ALK: variants seen among roughly 807,000 people sequenced by gnomAD.
The protein encoded by ALK is ALK receptor tyrosine kinase.
Under a neutral mutation model 163.1 loss-of-function variants are expected in ALK, and 74 were observed. That is an observed-to-expected ratio of 0.45 (90% CI 0.38 to 0.55). The LOEUF (loss-of-function observed/expected upper bound fraction) is 0.55. ALK is among the 20% of genes least tolerant of loss of function. The pLI is 0.00. For synonymous variants in ALK, 960 were observed against 843.2 expected (o/e 1.14, Z -2.40); for missense variants, 2,063 against 2,105.3 (o/e 0.98, Z 0.39).
At chr2:29,350,417 G>A (rs934106653) in intron 5 of ALK, among the ~76,000 whole-genome samples, 1 of 152,226 alleles carries the variant, frequency 6.6e-6, no homozygotes, top group Non-Finnish European at 1.5e-5. Context: ...TGGATCTGGA[G>A]AGGGGACTGG....
intron 1 of ALK, among the ~76,000 whole-genome samples, chr2:29,762,852 G>T (rs1161560492): frequency 1.3e-5 from 2 of 152,086 alleles, no homozygotes; most frequent in Non-Finnish European, 2.9e-5. Flanking sequence ...ACTTTGAGAG[G>T]CCGAGGCGGG....
intron 3 of ALK, among the ~76,000 whole-genome samples, chr2:29,547,739 G>T (rs1377307409): frequency 6.6e-6 from 1 of 152,064 alleles, no homozygotes; most frequent in Non-Finnish European, 1.5e-5. Context: ...ATTGAGACTG[G>T]AAGTTTAAAA....
At chr2:29,405,841 C>G (rs1288172940) in intron 4 of ALK, among the ~76,000 whole-genome samples, 1 of 152,222 alleles carries the variant, frequency 6.6e-6, no homozygotes, top group African/African-American at 2.4e-5. Flanking sequence ...CCTTCTGGTA[C>G]TTAGCAGGTC....
chr2:29,621,935 G>T (rs1045314586), intron 3 of ALK, among the ~76,000 whole-genome samples: 2 of 151,662 alleles, frequency 1.3e-5, no homozygotes, highest in Non-Finnish European at 2.9e-5. Context: ...AGAAGAAGCA[G>T]AAAAACAAAA....
At chr2:29,902,606 C>G (rs1055646952) in intron 1 of ALK, among the ~76,000 whole-genome samples, 1 of 152,184 alleles carries the variant, frequency 6.6e-6, no homozygotes, top group Non-Finnish European at 1.5e-5. Flanking sequence ...CTGTACTTAC[C>G]GACATAAAAT....
intron 3 of ALK, among the ~76,000 whole-genome samples, chr2:29,648,963 A>C (rs1289052206): frequency 6.6e-6 from 1 of 152,124 alleles, no homozygotes; most frequent in Non-Finnish European, 1.5e-5. Context: ...TTTTCCATTC[A>C]CATTTTGAAC....
intron 3 of ALK, among the ~76,000 whole-genome samples, chr2:29,552,821 C>T (rs1245730418): frequency 2.0e-5 from 3 of 152,148 alleles, no homozygotes; most frequent in Non-Finnish European, 4.4e-5. Context: ...CAATCTGCCT[C>T]TGGGATAAAA....
chr2:29,505,208 A>T (rs1672285367), intron 4 of ALK, among the ~76,000 whole-genome samples: 1 of 152,106 alleles, frequency 6.6e-6, no homozygotes, highest in Admixed American at 6.5e-5. Context: ...GAAGGCTGTG[A>T]ATTCTCTACT....
intron 1 of ALK, among the ~76,000 whole-genome samples, chr2:29,776,046 G>C (rs570197249): frequency 6.6e-6 from 1 of 152,258 alleles, no homozygotes; most frequent in South Asian, 2.1e-4. Flanking sequence ...CCATGTTATT[G>C]ATGGTACTAC....
chr2:29,397,945 A>G (rs1669350189), intron 4 of ALK, among the ~76,000 whole-genome samples: 1 of 152,324 alleles, frequency 6.6e-6, no homozygotes, highest in Non-Finnish European at 1.5e-5. Context: ...AGCTTTCCCG[A>G]ACATAACAAA....
At chr2:29,870,938 G>A (rs1167549848) in intron 1 of ALK, among the ~76,000 whole-genome samples, 3 of 152,190 alleles carry the variant, frequency 2.0e-5, no homozygotes, top group Admixed American at 2.0e-4. Context: ...GGAACCACAA[G>A]GTCATGCAGG....
At chr2:29,875,076 T>C (rs544631384) in intron 1 of ALK, among the ~76,000 whole-genome samples, 1 of 152,344 alleles carries the variant, frequency 6.6e-6, no homozygotes, top group Admixed American at 6.5e-5. Context: ...CCAATGTTCA[T>C]AGAATTATTC....
Position 29,560,482 on chromosome 2 carries a change from A to G in ALK, c.953-28366T>C, listed in dbSNP as rs144270347. On this transcript the variant is annotated intron_variant, in intron 3 of 28. Transcript: ENST00000389048. ...AAGGCCTTTTTTTGGGGTGATAAAAAATGTTTTAAAATTAGATTGTGGTGA... is the reference window on the plus strand; with the variant it reads ...AAGGCCTTTTTTTGGGGTGATAAAAGATGTTTTAAAATTAGATTGTGGTGA... Among the ~76,000 whole-genome samples the G allele has an allele frequency of 1.1e-3, 165 of 152,274 alleles. 1 individual carries two copies. In the East Asian group the frequency reaches 0.028, roughly 26 times the overall value.
chr2:29,495,467 C>T (rs547692727), intron 4 of ALK, among the ~76,000 whole-genome samples: 10 of 152,294 alleles, frequency 6.6e-5, no homozygotes, highest in African/African-American at 2.2e-4. Context: ...ACGCCTTCCC[C>T]ACTGAGGACT....
chr2:29,405,275 C>T (rs985929276), intron 4 of ALK, among the ~76,000 whole-genome samples: 1 of 152,192 alleles, frequency 6.6e-6, no homozygotes, highest in Non-Finnish European at 1.5e-5. Flanking sequence ...CCTTTCATAT[C>T]TGTTCCTTTC....
intron 5 of ALK, among the ~76,000 whole-genome samples, chr2:29,347,601 C>T (rs537239326): frequency 6.6e-6 from 1 of 152,316 alleles, no homozygotes; most frequent in Non-Finnish European, 1.5e-5. Context: ...CCTTTCACTT[C>T]TTTTTAATTA....
At chr2:29,352,642 G>C (rs1257633554) in intron 5 of ALK, among the ~76,000 whole-genome samples, 3 of 152,250 alleles carry the variant, frequency 2.0e-5, no homozygotes, top group Admixed American at 1.3e-4. Flanking sequence ...TCAGTGGTCA[G>C]TGAGCAGGCA....
intron 1 of ALK, among the ~76,000 whole-genome samples, chr2:29,797,000 CCACA>C (rs34846199): frequency 0.019 from 2,715 of 144,634 alleles, 43 homozygotes; most frequent in South Asian, 0.056. Flanking sequence ...GCACGCACAC[CCACA>C]CACACACACA....
intron 4 of ALK, among the ~76,000 whole-genome samples, chr2:29,395,179 A>C (rs1172342135): frequency 6.6e-6 from 1 of 152,238 alleles, no homozygotes; most frequent in Non-Finnish European, 1.5e-5. Flanking sequence ...TCAAATGCGA[A>C]TGCAAGCCTC....
Sources: gnomAD v4.1 joint callset for allele counts (sites outside exome capture counted in the v4.1 genomes callset) on GRCh38, gnomAD v4.1.1 for gene constraint, MANE v1.5 for transcripts, NCBI Gene and HGNC (gene_info 2026-07-23, HGNC 2026-07-21) for gene names.